CGN: variants seen among roughly 807,000 people sequenced by gnomAD.
CGN encodes cingulin.
A neutral mutation model predicts 157.1 loss-of-function variants in CGN; 121 were observed. The ratio of observed to expected loss-of-function variants is 0.77; its 90% CI spans 0.66 to 0.90. CGN has a LOEUF of 0.90. CGN is among the 40% of genes least tolerant of loss of function. The pLI, the probability that CGN is intolerant of heterozygous loss-of-function variation, is 0.00. For synonymous variants in CGN, 535 were observed against 607.5 expected (o/e 0.88, Z 1.76); for missense variants, 1,424 against 1,520.9 (o/e 0.94, Z 1.06).
chr1:151,529,412 G>T lies in CGN; in HGVS notation c.1959G>T (p.Val653=). The part of the protein sequence containing the change: ...ELQAERQSQE[V]AGRHRDRELE... ...AGGCAGAACGGCAGAGCCAGGAGGT[G>T]GCTGGGCGACACCGGGACCGGGAGT... The change falls in exon 11 of 21, where the codon GTG becomes GTT. Residue 653 remains valine (V), a synonymous_variant. Coordinates refer to ENST00000271636, the MANE Select transcript of CGN (RefSeq NM_020770.3). The T allele has an allele frequency of 6.2e-7, 1 of 1,613,710 alleles. No individual in the cohort carries two copies. The highest frequency in any genetic ancestry group is 1.1e-5 in the South Asian group (1 of 91,044).
intron 9 of CGN, 131 bp downstream of exon 9, chr1:151,525,921 G>A (rs969980108): frequency 5.0e-5 from 28 of 555,040 alleles, no homozygotes; most frequent in African/African-American, 4.7e-4. Context: ...TTCCCAGGCT[G>A]GAGTGTCATG....
At chr1:151,519,576 G>T (rs1160395923) in intron 2 of CGN, among the ~76,000 whole-genome samples, 184 bp downstream of exon 2, 1 of 152,158 alleles carries the variant, frequency 6.6e-6, no homozygotes, top group African/African-American at 2.4e-5. Context: ...ATATTTCCAT[G>T]GGTAAAATTC....
chr1:151,532,289 C>A, intron 13 of CGN, 113 bp from the exon 14 acceptor site: 2 of 741,856 alleles, frequency 2.7e-6, no homozygotes, highest in Non-Finnish European at 4.1e-6. Context: ...CAGGAAAGAG[C>A]AAGAGAGGGC....
rs141774043 is a variant in CGN, at chr1:151,519,143, G to A, written c.624G>A (p.Gln208=). The change falls in exon 2 of 21, where the codon CAG becomes CAA. Residue 208 remains glutamine (Q), a synonymous_variant. Transcript: ENST00000271636. ...GAACACGGATGCTACCCCCTGAACA[G>A]CGCAAACGGAGCAAGAGCCTGGACA... ...GRRTRMLPPE[Q]RKRSKSLDSR... is the part of the protein sequence containing the mutation. 7.0e-5 allele frequency: 113 copies of A among 1,614,076 alleles called. No individual in the cohort carries two copies. In the African/African-American group the frequency reaches 1.2e-3, roughly 17 times the overall value.
chr1:151,532,476 G>GGCCCGGCGGGAGGTGGCAGAT lies in CGN; in HGVS notation c.2651_2671dup (p.Arg884_Ala890dup). 6.2e-7 allele frequency: 1 copy of GGCCCGGCGGGAGGTGGCAGAT among 1,609,938 alleles called. No individual in the cohort carries two copies. The highest frequency in any genetic ancestry group is 8.5e-7 in the Non-Finnish European group (1 of 1,178,728). Reference sequence around the variant, plus strand: ...CCCAGCTGGAGGATTATAAGGAAAAGGCCCGGCGGGAGGTGGCAGATGCCC... The same window carrying GGCCCGGCGGGAGGTGGCAGAT: ...CCCAGCTGGAGGATTATAAGGAAAAGGCCCGGCGGGAGGTGGCAGATGCCCGGCGGGAGGTGGCAGATGCCC... On this transcript the variant is annotated inframe_insertion, in exon 14 of 21. Coordinates refer to ENST00000271636, the MANE Select transcript of CGN (RefSeq NM_020770.3).
At chr1:151,520,820 A>G in intron 5 of CGN, 129 bp downstream of exon 5, 1 of 759,544 alleles carries the variant, frequency 1.3e-6, no homozygotes. Context: ...ACAAGAGACA[A>G]GAATGTGTAC....
intron 18 of CGN, 95 bp downstream of exon 18, chr1:151,535,993 C>T: frequency 2.1e-6 from 2 of 938,904 alleles, no homozygotes; most frequent in South Asian, 2.8e-5. Flanking sequence ...TCTTCCACCT[C>T]AGATATGGCC....
chr1:151,536,059 C>A, intron 18 of CGN, 161 bp downstream of exon 18: 2 of 706,794 alleles, frequency 2.8e-6, no homozygotes, highest in Non-Finnish European at 5.0e-6. Flanking sequence ...AAGAGTGTTG[C>A]AGAAATTCTG....
At position 151,535,913 on chromosome 1, in the gene CGN, TCCTTCCTC is replaced by T; in HGVS notation, c.3197+27_3197+34del. On this transcript the variant is annotated intron_variant, in intron 18 of 20. Transcript: ENST00000271636. ...GCTGAAGAGAGGTGACATAAGCCTA[TCCTTCCTC>T]CCTTCCTCCCTCCTTTTCTTCCTCC... The T allele has an allele frequency of 6.3e-7, 1 of 1,587,042 alleles. No individual in the cohort carries two copies. Among genetic ancestry groups the T allele is most frequent in the Non-Finnish European group, 8.6e-7 (1 of 1,157,058 alleles).
Position 151,518,756 on chromosome 1 carries a change from G to C in CGN, c.237G>C (p.Gly79=), listed in dbSNP as rs1266837833. ...GGGAGAAAGGCGGTGACTCCTTTGG[G>C]GTCCAAATCAAGGGGGCCAATGACC... The part of the protein sequence containing the change: ...NSGEKGGDSF[G]VQIKGANDQG... The change falls in exon 2 of 21, where the codon GGG becomes GGC. Residue 79 remains glycine, a synonymous_variant. Coordinates refer to ENST00000271636, the MANE Select transcript of CGN (RefSeq NM_020770.3). The C allele has an allele frequency of 3.1e-6, 5 of 1,613,998 alleles. No homozygotes were observed. The African/African-American group carries it at 5.3e-5, about 17-fold the overall frequency.
intron 1 of CGN, among the ~76,000 whole-genome samples, chr1:151,517,718 G>T (rs887097149): frequency 6.6e-6 from 1 of 152,060 alleles, no homozygotes; most frequent in East Asian, 1.9e-4. Flanking sequence ...CACCGTGTTG[G>T]TCAGGCTGGT....
upstream of CGN, chr1:151,510,854 A>C (rs1664265236): frequency 6.6e-6 from 1 of 152,248 alleles, no homozygotes. Flanking sequence ...TGCGGAGGCC[A>C]CAAGATAAAA....
rs150950084 is a variant in CGN, at chr1:151,523,485, G to A, written c.1192G>A (p.Glu398Lys). The change falls in exon 6 of 21, where the codon GAG becomes AAG. Residue 398 changes from glutamate to lysine, a missense_variant. Glu to Lys is a moderately conservative substitution (Grantham distance 56, BLOSUM62 1). Transcript: ENST00000271636. ...SQVGLERQLE[E>K]KTEECSRLQE... ...AGTTGGGCTGGAGCGGCAGCTGGAG[G>A]AGAAAACAGAAGAGTGCAGCCGACT... 9.3e-6 allele frequency: 15 copies of A among 1,613,632 alleles called. No individual in the cohort carries two copies. The highest frequency in any genetic ancestry group is 1.1e-5 in the Non-Finnish European group (13 of 1,179,874).
In CGN at chr1:151,530,015, G is replaced by A. The variant is rs889237608; in HGVS notation, c.2213G>A (p.Arg738His). Reference protein sequence around the residue: ...TQEENDEFRRRILGLEQQLKE... With the variant: ...TQEENDEFRRHILGLEQQLKE... ...GAGGAAAATGACGAATTCCGCCGGC[G>A]CATCCTGGGTTTGGAGCAGCAGCTG... is the stretch of plus-strand genomic sequence containing the variant. The change falls in exon 12 of 21, where the codon CGC becomes CAC. Residue 738 changes from arginine to histidine, a missense_variant. By Grantham distance (29) the Arg-to-His change is conservative (BLOSUM62 0). Around this residue, in one of 3 missense-constraint regions of CGN, gnomAD observed 1,187 missense variants for 1,217.6 expected, o/e 0.97. Transcript: ENST00000271636. 6 of 1,614,048 alleles carry A rather than the reference G, an allele frequency of 3.7e-6. No homozygotes were observed. The highest frequency in any genetic ancestry group is 1.6e-4 in the Middle Eastern group (1 of 6,084).
intron 9 of CGN, among the ~76,000 whole-genome samples, chr1:151,526,426 C>A (rs1446023747): frequency 2.0e-5 from 3 of 151,424 alleles, no homozygotes; most frequent in African/African-American, 7.3e-5. Flanking sequence ...CCTCCCACCT[C>A]GGCCCCCCAA....
At chr1:151,526,475 CCTTT>C (rs577705945) in intron 9 of CGN, among the ~76,000 whole-genome samples, 58 of 150,464 alleles carry the variant, frequency 3.9e-4, no homozygotes, top group African/African-American at 1.4e-3. Flanking sequence ...GCACCCAGTC[CCTTT>C]CTTCTTTTTT....
intron 10 of CGN, 130 bp from the exon 11 acceptor site, chr1:151,529,220 C>T: frequency 1.4e-6 from 1 of 699,112 alleles, no homozygotes; most frequent in South Asian, 2.0e-5. Flanking sequence ...TGAGAAACTG[C>T]CAAACTACTT....
At position 151,520,458 on chromosome 1, in the gene CGN, T is replaced by G. The variant is rs1337119478; in HGVS notation, c.1019T>G (p.Val340Gly). Residue 340 changes from valine (V) to glycine (G), a missense_variant, in exon 4 of 21, where the codon GTG (valine) becomes GGG (glycine). Val to Gly is a moderately radical substitution (Grantham distance 109). Around this residue, in one of 3 missense-constraint regions of CGN, gnomAD observed 1,187 missense variants for 1,217.6 expected, o/e 0.97. Transcript: ENST00000271636. ...ETSVRRKVSL[V>G]LEKMQPLVMV... ...TCTGTGAGGAGGAAGGTTAGTTTGGTGCTGGAGAAGATGCAGCCTCTAGTG... is the reference window on the plus strand; with the variant it reads ...TCTGTGAGGAGGAAGGTTAGTTTGGGGCTGGAGAAGATGCAGCCTCTAGTG... 1 of 1,614,098 alleles carries G rather than the reference T, an allele frequency of 6.2e-7. No homozygotes were observed. The highest frequency in any genetic ancestry group is 8.5e-7 in the Non-Finnish European group (1 of 1,180,026).
At position 151,536,645 on chromosome 1, in the gene CGN, T is replaced by C. The variant is rs971236080; in HGVS notation, c.3307-85T>C. ...GGCCACATTTTTCCAGCGGCAATTATACCTTGTCAAGATTGTTATGGGGGA... is the reference window on the plus strand; with the variant it reads ...GGCCACATTTTTCCAGCGGCAATTACACCTTGTCAAGATTGTTATGGGGGA... On this transcript the variant is annotated intron_variant, in intron 19 of 20. Transcript: ENST00000271636. 46 of 1,419,982 alleles carry C rather than the reference T, an allele frequency of 3.2e-5. 1 individual carries two copies. Among genetic ancestry groups the C allele is most frequent in the Admixed American group, 3.9e-5 (2 of 51,284 alleles). 88.0% of individuals were successfully genotyped at this position (1,419,982 alleles called of 1,614,324 possible). A position where few individuals can be genotyped will look rare whatever the true frequency, so the allele number is the denominator to read the frequency against.
Sources: allele counts gnomAD v4.1 joint callset (sites outside exome capture counted in the v4.1 genomes callset), GRCh38; gene constraint gnomAD v4.1.1; regional missense constraint gnomAD v4.1.1; transcripts MANE v1.5; gene names NCBI Gene and HGNC (gene_info 2026-07-23, HGNC 2026-07-21).